The following PTPRO variants were observed in gnomAD, a reference collection of about 807,000 sequenced individuals.
The protein encoded by PTPRO is protein tyrosine phosphatase receptor type O.
Under a neutral mutation model 145.2 loss-of-function variants are expected in PTPRO, and 62 were observed. The ratio of observed to expected loss-of-function variants is 0.43; its 90% CI spans 0.35 to 0.53. The LOEUF is 0.53. Among genes scored for constraint, PTPRO ranks in the 20% least tolerant of loss-of-function variants. The pLI is 0.01. For missense variants in PTPRO, 1,345 were observed against 1,482.7 expected, an observed-to-expected ratio of 0.91 and a Z score of 1.53; for synonymous variants, 565 against 514.7, an observed-to-expected ratio of 1.10 and a Z score of -1.32.
At chr12:15,529,677 T>C (rs371992617) in intron 12 of PTPRO, among the ~76,000 whole-genome samples, 12 of 152,034 alleles carry the variant, frequency 7.9e-5, no homozygotes, top group East Asian at 5.8e-4. Flanking sequence ...ATAAATAAAC[T>C]TGTTAAATCT....
At chr12:15,433,390 A>G (rs954746681) in intron 1 of PTPRO, among the ~76,000 whole-genome samples, 16 of 152,058 alleles carry the variant, frequency 1.1e-4, no homozygotes, top group African/African-American at 2.7e-4. Flanking sequence ...TCACCGTGTT[A>G]GCCAGGATGG....
rs73297707 is a variant in PTPRO, at chr12:15,580,315, A to T, written c.2997+200A>T. On this transcript the variant is annotated intron_variant, in intron 21 of 26. Coordinates refer to ENST00000281171, the MANE Select transcript of PTPRO (RefSeq NM_030667.3). ...AGATTACTAATGTTTCTATTTCTTT[A>T]TAAAGGTCCAGTGAAAGGGAAAGTA... Among the ~76,000 whole-genome samples the T allele has an allele frequency of 0.043, 6,568 of 152,350 alleles. 443 individuals carry two copies. Among genetic ancestry groups the T allele is most frequent in the African/African-American group, 0.15 (6,111 of 41,562 alleles).
chr12:15,339,297 A>T (rs1385664329), intron 1 of PTPRO, among the ~76,000 whole-genome samples: 1 of 152,170 alleles, frequency 6.6e-6, no homozygotes, highest in Non-Finnish European at 1.5e-5. Flanking sequence ...GGCTTGAATA[A>T]AACAGTGGGG....
chr12:15,583,912 G>A (rs139271628), intron 23 of PTPRO, among the ~76,000 whole-genome samples: 152 of 152,250 alleles, frequency 1.0e-3, no homozygotes, highest in Non-Finnish European at 1.9e-3. Context: ...GCAAATCCCC[G>A]TATGACTCTA....
At chr12:15,402,941 G>A (rs1183723803) in intron 1 of PTPRO, among the ~76,000 whole-genome samples, 1 of 152,078 alleles carries the variant, frequency 6.6e-6, no homozygotes, top group Non-Finnish European at 1.5e-5. Context: ...CAAATGCACT[G>A]TAGAGTCAGC....
At chr12:15,484,269 G>A (rs776035002) in intron 2 of PTPRO, 22 bp downstream of exon 2, 5 of 1,612,284 alleles carry the variant, frequency 3.1e-6, no homozygotes. Context: ...GTGTAATATT[G>A]TCCCGTTTCT....
chr12:15,344,732 G>C (rs1485939785), intron 1 of PTPRO, among the ~76,000 whole-genome samples: 1 of 152,132 alleles, frequency 6.6e-6, no homozygotes, highest in Non-Finnish European at 1.5e-5. Flanking sequence ...AACCATCTGG[G>C]AGATTGACAA....
intron 1 of PTPRO, among the ~76,000 whole-genome samples, chr12:15,337,049 A>G (rs542838850): frequency 1.3e-5 from 2 of 152,330 alleles, no homozygotes; most frequent in South Asian, 4.1e-4. Context: ...AGGTGAAAGA[A>G]TATTTTCCTT....
In PTPRO at chr12:15,581,768, C is replaced by A. The variant is rs144347297; in HGVS notation, c.3222C>A (p.Asp1074Glu). The change falls in exon 23 of 27, where the codon GAC (aspartate) becomes GAA (glutamate). Residue 1074 changes from aspartate to glutamate, a missense_variant. By Grantham distance (45) the Asp-to-Glu change is conservative. Around this residue, in one of 3 missense-constraint regions of PTPRO, gnomAD observed 208 missense variants for 242.8 expected, o/e 0.86. Coordinates refer to ENST00000281171, the MANE Select transcript of PTPRO (RefSeq NM_030667.3). ...TVEMISEEEQDDWACRHFRIN... is the reference protein window; with the variant it reads ...TVEMISEEEQEDWACRHFRIN... ...AGATGATTTCAGAGGAAGAGCAGGA[C>A]GACTGGGCCTGTAGACACTTCCGGA... The A allele has an allele frequency of 5.3e-4, 859 of 1,613,976 alleles. 7 individuals are homozygous for A. The Admixed American group carries it at 0.013, about 25-fold the overall frequency.
At chr12:15,484,616 T>C (rs1006311156) in intron 2 of PTPRO, among the ~76,000 whole-genome samples, 1 of 152,080 alleles carries the variant, frequency 6.6e-6, no homozygotes, top group African/African-American at 2.4e-5. Context: ...AGCAATTCAG[T>C]TTGGGGACAA....
intron 1 of PTPRO, among the ~76,000 whole-genome samples, chr12:15,427,349 A>C (rs1001766026): frequency 6.6e-6 from 1 of 152,008 alleles, no homozygotes; most frequent in East Asian, 1.9e-4. Context: ...GAATTTATTA[A>C]AAATTTCTAC....
chr12:15,455,318 CA>C (rs1941148610), intron 1 of PTPRO, among the ~76,000 whole-genome samples: 3 of 147,420 alleles, frequency 2.0e-5, no homozygotes, highest in Non-Finnish European at 4.6e-5. Context: ...TTCCCCCCCA[CA>C]CACACAATAC....
chr12:15,497,208 T>C, intron 2 of PTPRO, 37 bp from the exon 3 acceptor site: 1 of 1,521,220 alleles, frequency 6.6e-7, no homozygotes, highest in South Asian at 1.1e-5. Flanking sequence ...CTCTCTCCTC[T>C]TTCTTTTCCC....
Position 15,558,499 on chromosome 12 carries a change from T to C in PTPRO, c.2627+976T>C, listed in dbSNP as rs552179700. Among the ~76,000 whole-genome samples, 34 of 152,324 alleles carry C rather than the reference T, an allele frequency of 2.2e-4. No individual in the cohort carries two copies. The South Asian group carries it at 5.4e-3, about 24-fold the overall frequency. On this transcript the variant is annotated intron_variant, in intron 16 of 26. Coordinates refer to ENST00000281171, the MANE Select transcript of PTPRO (RefSeq NM_030667.3). ...TATACCTGACAATGATAGATGAAGA[T>C]TAACAATCCTATCCAGTTCAATCAA...
chr12:15,462,580 C>T (rs1373432149), intron 1 of PTPRO, among the ~76,000 whole-genome samples: 1 of 152,198 alleles, frequency 6.6e-6, no homozygotes, highest in African/African-American at 2.4e-5. Flanking sequence ...GTTCCGTGCT[C>T]ACAATCATGT....
chr12:15,421,228 A>T (rs2136327349), intron 1 of PTPRO, among the ~76,000 whole-genome samples: 1 of 152,336 alleles, frequency 6.6e-6, no homozygotes, highest in South Asian at 2.1e-4. Context: ...TCTAAATAGG[A>T]TATTTCATTT....
At chr12:15,534,056 T>G (rs891106662) in intron 12 of PTPRO, among the ~76,000 whole-genome samples, 1 of 152,096 alleles carries the variant, frequency 6.6e-6, no homozygotes, top group Non-Finnish European at 1.5e-5. Flanking sequence ...TAAACATCCA[T>G]AAAAAGAAAT....
intron 1 of PTPRO, among the ~76,000 whole-genome samples, chr12:15,326,206 C>A (rs1565565256): frequency 6.6e-6 from 1 of 152,136 alleles, no homozygotes. Context: ...GCAGGTGAAC[C>A]ATAATCCTTT....
In PTPRO at chr12:15,580,710, C is replaced by G; in HGVS notation, c.3011C>G (p.Pro1004Arg). ...CTTATCTTTCAGGGATACAACTCAC[C>G]CCAGGAGTATATTGCCACCCAGGGG... ...NANYIPGYNS[P>R]QEYIATQGPL... Residue 1004 changes from proline (P) to arginine (R), a missense_variant, in exon 22 of 27, where the codon CCC becomes CGC. Physicochemically the swap from Pro to Arg is moderately radical, Grantham distance 103. Around this residue, in one of 3 missense-constraint regions of PTPRO, gnomAD observed 1,130 missense variants for 1,214.7 expected, o/e 0.93. Transcript: ENST00000281171. The G allele has an allele frequency of 6.2e-7, 1 of 1,614,022 alleles. No homozygotes were observed. The highest frequency in any genetic ancestry group is 1.1e-5 in the South Asian group (1 of 91,082).
Sources: allele counts gnomAD v4.1 joint callset (sites outside exome capture counted in the v4.1 genomes callset), GRCh38; gene constraint gnomAD v4.1.1; regional missense constraint gnomAD v4.1.1; transcripts MANE v1.5; gene names NCBI Gene and HGNC (gene_info 2026-07-23, HGNC 2026-07-21).